The following ADGRB1 variants were observed in gnomAD, a reference collection of about 807,000 sequenced individuals.
ADGRB1 encodes the protein adhesion G protein-coupled receptor B1, also known as brain-specific angiogenesis inhibitor 1.
In ADGRB1, 36 loss-of-function variants were observed where a neutral mutation model predicts 175.7. The observed-to-expected ratio is 0.20, with a 90% confidence interval of 0.16 to 0.27. The LOEUF (loss-of-function observed/expected upper bound fraction) is 0.27. ADGRB1 is among the 10% of genes least tolerant of loss of function. The pLI is 1.00. For missense variants in ADGRB1, 1,731 were observed against 2,255.3 expected (o/e 0.77, Z 4.71); for synonymous variants, 1,054 against 979.4 (o/e 1.08, Z -1.42).
chr8:142,464,826 C>T lies in ADGRB1; in HGVS notation c.628C>T (p.Gln210Ter). ...SRSSHPCGIMQTPCACLGGEA... is the reference protein window; with the variant it reads ...SRSSHPCGIM ...CAGCTCGCACCCCTGCGGGATCATG[C>T]AGACCCCCTGCGCCTGCCTGGGCGG... Residue 210 changes from glutamine (Q) to a stop codon, truncating the protein, a stop_gained, in exon 2 of 31, where the codon CAG becomes TAG. Coordinates refer to ENST00000517894, the MANE Select transcript of ADGRB1 (RefSeq NM_001702.3). LOFTEE classifies it high-confidence loss of function. 1 of 1,532,432 alleles carries T rather than the reference C, an allele frequency of 6.5e-7. No homozygotes were observed. The highest frequency in any genetic ancestry group is 8.7e-7 in the Non-Finnish European group (1 of 1,144,502). The allele number at this position is 1,532,432 out of a possible 1,614,324, so 94.9% of individuals were successfully genotyped here.
chr8:142,529,250 G>A (rs1194883871), intron 24 of ADGRB1, among the ~76,000 whole-genome samples: 1 of 152,118 alleles, frequency 6.6e-6, no homozygotes, highest in Non-Finnish European at 1.5e-5. Context: ...GGGTATGCAT[G>A]TCACCAGGTA....
In ADGRB1 at chr8:142,484,691, G is replaced by A. The variant is rs1841568231; in HGVS notation, c.2235G>A (p.Val745=). The change falls in exon 13 of 31, where the codon GTG becomes GTA. Residue 745 remains valine (V), a synonymous_variant. Coordinates refer to ENST00000517894, the MANE Select transcript of ADGRB1 (RefSeq NM_001702.3). ...GPNAKELFRL[V]EDFVDVIGFR... is the part of the protein sequence containing the mutation. ...ACGCCAAGGAGCTGTTCCGGCTGGT[G>A]GAGGACTTTGTGGACGTCATCGGCT... is the stretch of plus-strand genomic sequence containing the variant. The A allele has an allele frequency of 6.2e-7, 1 of 1,611,906 alleles. No homozygotes were observed. Among genetic ancestry groups the A allele is most frequent in the Non-Finnish European group, 8.5e-7 (1 of 1,179,276 alleles).
At chr8:142,465,063 G>T in intron 2 of ADGRB1, 81 bp downstream of exon 2, 2 of 1,254,372 alleles carry the variant, frequency 1.6e-6, no homozygotes, top group Non-Finnish European at 2.1e-6. Context: ...GCGGGCGGAT[G>T]GGGGAAGTGG....
chr8:142,526,583 G>A lies in ADGRB1; in HGVS notation c.3354G>A (p.Val1118=), dbSNP rs376326081. ...GGATCCTGGTGTTCAACAAGCTCGTGTCCAAAGACGGCATCACGGACAAGA... is the reference window on the plus strand; with the variant it reads ...GGATCCTGGTGTTCAACAAGCTCGTATCCAAAGACGGCATCACGGACAAGA... The part of the protein sequence containing the change: ...VIGILVFNKL[V]SKDGITDKKL... The change falls in exon 24 of 31, where the codon GTG becomes GTA. Residue 1118 remains valine (V), a synonymous_variant. Transcript: ENST00000517894. The A allele has an allele frequency of 2.2e-4, 357 of 1,611,674 alleles. No homozygotes were observed. In the African/African-American group the frequency reaches 3.6e-3, roughly 16 times the overall value.
At chr8:142,544,199 G>A (rs1173164247) in intron 30 of ADGRB1, 21 bp from the exon 31 acceptor site, 2 of 1,547,260 alleles carry the variant, frequency 1.3e-6, no homozygotes, top group Non-Finnish European at 1.7e-6. Flanking sequence ...CACCCCTCCT[G>A]CACCACGGGC....
At position 142,510,546 on chromosome 8, in the gene ADGRB1, C is replaced by T. The variant is rs1843034818; in HGVS notation, c.2676-386C>T. On this transcript the variant is annotated intron_variant, in intron 17 of 30. Coordinates refer to ENST00000517894, the MANE Select transcript of ADGRB1 (RefSeq NM_001702.3). The surrounding 1 kb of genome is among the most constrained non-coding windows in gnomAD (Gnocchi z 6.3). ...GCGCCCACGCGCCCCTCCGGGCCTC[C>T]CCCTCCTTCCCGCGCGGGCCGGGGG... 6.7e-6 allele frequency among the ~76,000 whole-genome samples: 1 copy of T among 149,588 alleles called. No individual in the cohort carries two copies.
chr8:142,534,339 C>T (rs973601731), intron 25 of ADGRB1, among the ~76,000 whole-genome samples: 3 of 152,346 alleles, frequency 2.0e-5, no homozygotes, highest in African/African-American at 7.2e-5. Flanking sequence ...AAGGGCAGGG[C>T]TGCCCTCTTG....
intron 23 of ADGRB1, among the ~76,000 whole-genome samples, chr8:142,524,970 G>T (rs997548953): frequency 2.0e-5 from 3 of 152,032 alleles, no homozygotes; most frequent in African/African-American, 7.3e-5. Flanking sequence ...AGAGCACCAG[G>T]GTTCACACCC....
At position 142,489,374 on chromosome 8, in the gene ADGRB1, C is replaced by T; in HGVS notation, c.2567C>T (p.Thr856Ile). The T allele has an allele frequency of 6.2e-7, 1 of 1,613,008 alleles. No homozygotes were observed. The highest frequency in any genetic ancestry group is 1.3e-5 in the African/African-American group (1 of 75,046). Reference sequence around the variant, plus strand: ...CTGAATTCTAAGGTGATCTCCGTGACTGTGAAACCCCCGCCTCGCTCCCTG... The same window carrying T: ...CTGAATTCTAAGGTGATCTCCGTGATTGTGAAACCCCCGCCTCGCTCCCTG... ...TVLNSKVISVTVKPPPRSLRT... is the reference protein window; with the variant it reads ...TVLNSKVISVIVKPPPRSLRT... The change falls in exon 16 of 31, where the codon ACT becomes ATT. Residue 856 changes from threonine to isoleucine, a missense_variant. Thr to Ile is a moderately conservative substitution (Grantham distance 89). This residue lies in a region of ADGRB1 where 388 missense variants were observed against 630.9 expected (regional missense o/e 0.61). Coordinates refer to ENST00000517894, the MANE Select transcript of ADGRB1 (RefSeq NM_001702.3).
chr8:142,478,900 G>A (rs1488228113), intron 7 of ADGRB1, among the ~76,000 whole-genome samples: 3 of 149,844 alleles, frequency 2.0e-5, no homozygotes, highest in African/African-American at 7.4e-5. Context: ...GGTATCCATG[G>A]GGAAGTGGAG....
intron 2 of ADGRB1, among the ~76,000 whole-genome samples, chr8:142,465,388 CA>C (rs1391121140): frequency 2.0e-5 from 3 of 152,186 alleles, no homozygotes; most frequent in Non-Finnish European, 4.4e-5. Context: ...TTTAATGGGC[CA>C]GAGGCTGCAG....
At chr8:142,525,128 G>A (rs1288458134) in intron 23 of ADGRB1, among the ~76,000 whole-genome samples, 2 of 152,130 alleles carry the variant, frequency 1.3e-5, no homozygotes, top group Non-Finnish European at 2.9e-5. Context: ...CGTGCATGAG[G>A]GGTGATGGGG....
intron 17 of ADGRB1, among the ~76,000 whole-genome samples, chr8:142,502,460 GC>G: frequency 1.4e-4 from 1 of 6,904 alleles, no homozygotes; most frequent in Non-Finnish European, 2.7e-4. Flanking sequence ...ATGGGGTGGT[GC>G]AGTCATCACT....
chr8:142,543,447 T>C lies in ADGRB1; in HGVS notation c.4449+9T>C, dbSNP rs1237325692. 14 of 1,613,576 alleles carry C rather than the reference T, an allele frequency of 8.7e-6. No homozygotes were observed. The highest frequency in any genetic ancestry group is 1.2e-5 in the Non-Finnish European group (14 of 1,179,770). On this transcript the variant is annotated intron_variant, in intron 29 of 30. Transcript: ENST00000517894. This position sits in a 1 kb window ranked among gnomAD's most constrained non-coding sequence, Gnocchi z 4.4. ...CAGAACTGGACTTTGAGGTGAGTTC[T>C]GGTGTCCCCCCCCACCAGACACTTA...
intron 17 of ADGRB1, among the ~76,000 whole-genome samples, chr8:142,500,675 G>T (rs1385089683): frequency 6.6e-6 from 1 of 152,050 alleles, no homozygotes; most frequent in Non-Finnish European, 1.5e-5. Context: ...AGGGAGGGTG[G>T]TGACTGACTG....
At chr8:142,456,993 G>A (rs760136571) in intron 1 of ADGRB1, among the ~76,000 whole-genome samples, 4 of 152,218 alleles carry the variant, frequency 2.6e-5, no homozygotes, top group Admixed American at 6.5e-5. Flanking sequence ...GCCCCGGGGT[G>A]TGCCTGGAAC....
intron 11 of ADGRB1, 68 bp from the exon 12 acceptor site, chr8:142,483,909 C>T (rs1221554849): frequency 2.0e-6 from 3 of 1,532,988 alleles, no homozygotes; most frequent in South Asian, 2.3e-5. Context: ...AATCCTGACC[C>T]TGGTCACAGT....
intron 1 of ADGRB1, among the ~76,000 whole-genome samples, chr8:142,460,083 G>T (rs1022755905): frequency 2.0e-5 from 3 of 152,262 alleles, no homozygotes; most frequent in Non-Finnish European, 4.4e-5. Flanking sequence ...GCGTGGGGGG[G>T]ACAGGAGCCT....
At chr8:142,486,624 G>A (rs565903531) in intron 13 of ADGRB1, among the ~76,000 whole-genome samples, 39 of 152,192 alleles carry the variant, frequency 2.6e-4, no homozygotes, top group African/African-American at 8.9e-4. Context: ...CCATAGCTTC[G>A]TGCCTATTGT....
Sources: allele counts gnomAD v4.1 joint callset (sites outside exome capture counted in the v4.1 genomes callset), GRCh38; gene constraint gnomAD v4.1.1; regional missense constraint gnomAD v4.1.1; non-coding constraint Gnocchi (gnomAD v3.1); transcripts MANE v1.5; gene names NCBI Gene and HGNC (gene_info 2026-07-23, HGNC 2026-07-21).